CTNNA2: variants seen among roughly 807,000 people sequenced by gnomAD.
CTNNA2 encodes catenin alpha 2, also known as catenin alpha-2.
CTNNA2 carries 42 observed loss-of-function variants against 101.0 expected under a neutral mutation model. The observed-to-expected ratio is 0.42, with a 90% CI of 0.32 to 0.54. CTNNA2 has a LOEUF of 0.54. Among genes scored for constraint, CTNNA2 ranks in the 20% least tolerant of loss-of-function variants. The pLI, the probability that CTNNA2 is intolerant of heterozygous loss-of-function variation, is 0.14. For missense variants in CTNNA2, 871 were observed against 1,223.1 expected (o/e 0.71, Z 4.29); for synonymous variants, 450 against 456.4 (o/e 0.99, Z 0.18).
chr2:80,157,252 G>T (rs953355247), intron 7 of CTNNA2, among the ~76,000 whole-genome samples: 17 of 152,136 alleles, frequency 1.1e-4, no homozygotes, highest in Non-Finnish European at 1.6e-4. Context: ...TTCCAAAAAT[G>T]CTCCTACCTT....
chr2:79,930,895 T>C (rs923884367), intron 7 of CTNNA2, among the ~76,000 whole-genome samples: 1 of 152,246 alleles, frequency 6.6e-6, no homozygotes, highest in African/African-American at 2.4e-5. Context: ...CTGCAGCAAG[T>C]ATTACTCAAC....
At chr2:79,566,114 A>C (rs1675098304) in intron 1 of CTNNA2, among the ~76,000 whole-genome samples, 1 of 152,126 alleles carries the variant, frequency 6.6e-6, no homozygotes, top group Non-Finnish European at 1.5e-5. Flanking sequence ...CAGGAGAAGA[A>C]CTAAAAGATA....
chr2:80,203,383 A>G (rs1707333620), intron 7 of CTNNA2, among the ~76,000 whole-genome samples: 1 of 152,230 alleles, frequency 6.6e-6, no homozygotes, highest in Non-Finnish European at 1.5e-5. Context: ...GTTACTTCCT[A>G]GATACCAAGA....
At chr2:79,218,335 G>A (rs1674294400) in intron 2 of CTNNA2, among the ~76,000 whole-genome samples, 1 of 78,052 alleles carries the variant, frequency 1.3e-5, no homozygotes, top group Admixed American at 1.3e-4. Flanking sequence ...GTGTGTGTGT[G>A]TGTGTGTGTG....
chr2:80,448,946 T>G (rs1683276715), intron 9 of CTNNA2, among the ~76,000 whole-genome samples: 1 of 152,202 alleles, frequency 6.6e-6, no homozygotes, highest in African/African-American at 2.4e-5. Flanking sequence ...ACACTCAAAT[T>G]TCTGCCATAT....
At chr2:80,404,861 T>G (rs1395565517) in intron 8 of CTNNA2, among the ~76,000 whole-genome samples, 2 of 152,224 alleles carry the variant, frequency 1.3e-5, no homozygotes, top group African/African-American at 4.8e-5. Context: ...ATTTTGTAGT[T>G]ATCAACCATT....
At chr2:80,060,603 T>C (rs1358854641) in intron 7 of CTNNA2, among the ~76,000 whole-genome samples, 1 of 151,994 alleles carries the variant, frequency 6.6e-6, no homozygotes, top group Non-Finnish European at 1.5e-5. Context: ...CTATGAAGAG[T>C]TGTATATTGT....
At chr2:79,337,812 G>T (rs1677029172) in intron 3 of CTNNA2, among the ~76,000 whole-genome samples, 1 of 151,834 alleles carries the variant, frequency 6.6e-6, no homozygotes. Flanking sequence ...AAAAAAAAAA[G>T]ATCACATTAT....
intron 13 of CTNNA2, among the ~76,000 whole-genome samples, chr2:80,577,586 G>A (rs2149710132): frequency 6.6e-6 from 1 of 152,156 alleles, no homozygotes; most frequent in South Asian, 2.1e-4. Context: ...AGAATGTATG[G>A]GGCAAGAGCA....
At chr2:80,465,580 C>A (rs918976289) in intron 9 of CTNNA2, among the ~76,000 whole-genome samples, 1 of 152,058 alleles carries the variant, frequency 6.6e-6, no homozygotes, top group South Asian at 2.1e-4. Context: ...AAGCTTTCTG[C>A]GATGCTGGTG....
chr2:79,271,201 A>G (rs997631781), intron 2 of CTNNA2, among the ~76,000 whole-genome samples: 13 of 151,944 alleles, frequency 8.6e-5, no homozygotes, highest in Admixed American at 1.3e-4. Context: ...TTGCTTTTCA[A>G]TTTTTTTGGC....
At chr2:79,281,214 G>A (rs1675372136) in intron 2 of CTNNA2, among the ~76,000 whole-genome samples, 1 of 152,000 alleles carries the variant, frequency 6.6e-6, no homozygotes, top group Non-Finnish European at 1.5e-5. Context: ...ATGGTCCAAG[G>A]GTGGCCTGCA....
chr2:79,841,978 A>G (rs1679853422), intron 3 of CTNNA2, among the ~76,000 whole-genome samples: 1 of 152,224 alleles, frequency 6.6e-6, no homozygotes, highest in Non-Finnish European at 1.5e-5. Flanking sequence ...CTGTGAGAGA[A>G]AATGGTCTTT....
At chr2:79,968,395 A>G (rs570771550) in intron 7 of CTNNA2, among the ~76,000 whole-genome samples, 2 of 152,266 alleles carry the variant, frequency 1.3e-5, no homozygotes, top group East Asian at 3.9e-4. Context: ...TAGTTTTAAA[A>G]TAGGCTGAGT....
intron 3 of CTNNA2, among the ~76,000 whole-genome samples, chr2:79,350,939 T>C (rs1160512924): frequency 6.6e-6 from 1 of 152,226 alleles, no homozygotes; most frequent in African/African-American, 2.4e-5. Flanking sequence ...ATGTCTTCTT[T>C]TGAGAAATGT....
intron 4 of CTNNA2, among the ~76,000 whole-genome samples, chr2:79,415,599 A>G (rs181463631): frequency 6.6e-6 from 1 of 152,098 alleles, no homozygotes; most frequent in East Asian, 1.9e-4. Context: ...CTTAAGGAAT[A>G]CTATGTGGGA....
At chr2:80,061,031 C>A (rs889555411) in intron 7 of CTNNA2, among the ~76,000 whole-genome samples, 2 of 152,118 alleles carry the variant, frequency 1.3e-5, no homozygotes, top group African/African-American at 4.8e-5. Context: ...ACATCCTAAG[C>A]TCTCCCTCTG....
intron 4 of CTNNA2, among the ~76,000 whole-genome samples, chr2:79,861,109 G>C (rs920123115): frequency 6.6e-6 from 1 of 152,142 alleles, no homozygotes; most frequent in African/African-American, 2.4e-5. Flanking sequence ...AGAAAAGAGT[G>C]ACAGTTGCTT....
At chr2:79,425,865 T>C (rs1290263194) in intron 4 of CTNNA2, among the ~76,000 whole-genome samples, 4 of 152,168 alleles carry the variant, frequency 2.6e-5, no homozygotes, top group Non-Finnish European at 5.9e-5. Context: ...TTTTTGATAG[T>C]CTTCATCATA....
Sources: gnomAD v4.1 joint callset for allele counts (sites outside exome capture counted in the v4.1 genomes callset) on GRCh38, gnomAD v4.1.1 for gene constraint, MANE v1.5 for transcripts, NCBI Gene and HGNC (gene_info 2026-07-23, HGNC 2026-07-21) for gene names.